Variants in MTMR2 observed in about 807,000 individuals in gnomAD.
MTMR2 encodes the protein myotubularin related protein 2, also known as phosphatidylinositol-3,5-bisphosphate 3-phosphatase MTMR2.
Under a neutral mutation model 86.9 loss-of-function variants are expected in MTMR2, and 55 were observed. The ratio of observed to expected loss-of-function variants is 0.63; its 90% CI spans 0.51 to 0.79. The LOEUF is 0.79. Ranked by LOEUF, MTMR2 falls within the 30% of genes least tolerant of loss-of-function variation. The pLI is 0.00. For missense variants in MTMR2, 659 were observed against 772.3 expected, an observed-to-expected ratio of 0.85 and a Z score of 1.74; for synonymous variants, 241 against 266.8, an observed-to-expected ratio of 0.90 and a Z score of 0.94.
intron 6 of MTMR2, 70 bp downstream of exon 6, chr11:95,858,461 C>A: frequency 9.9e-7 from 1 of 1,007,350 alleles, no homozygotes; most frequent in Non-Finnish European, 1.6e-6. Context: ...TTCTAGACAG[C>A]CTAGACAAGT....
intron 5 of MTMR2, among the ~76,000 whole-genome samples, chr11:95,860,983 C>G (rs1237419349): frequency 1.3e-5 from 2 of 151,806 alleles, no homozygotes; most frequent in Non-Finnish European, 2.9e-5. Context: ...TGGTGAAACC[C>G]CATCTCTACT....
At chr11:95,902,638 CA>C (rs1175121003) in intron 1 of MTMR2, among the ~76,000 whole-genome samples, 4 of 152,160 alleles carry the variant, frequency 2.6e-5, no homozygotes. Context: ...GGTTAGCCAT[CA>C]CCAAAATGAC....
intron 9 of MTMR2, 73 bp from the exon 10 acceptor site, chr11:95,847,972 A>G (rs1863866334): frequency 2.9e-6 from 4 of 1,395,030 alleles, no homozygotes; most frequent in South Asian, 2.4e-5. Flanking sequence ...AAAATATCCA[A>G]TAGCATAAAA....
intron 1 of MTMR2, among the ~76,000 whole-genome samples, chr11:95,903,475 T>G (rs949430633): frequency 2.6e-5 from 4 of 152,054 alleles, no homozygotes; most frequent in African/African-American, 4.8e-5. Flanking sequence ...GTTGAACGAG[T>G]TGACAGAAAA....
chr11:95,867,396 G>A (rs1389521930), intron 2 of MTMR2, among the ~76,000 whole-genome samples: 2 of 152,166 alleles, frequency 1.3e-5, no homozygotes, highest in Non-Finnish European at 2.9e-5. Context: ...GAAGAGGGTA[G>A]TTCTGGCAAA....
At chr11:95,864,848 ATT>A (rs10557890) in intron 3 of MTMR2, among the ~76,000 whole-genome samples, 6,738 of 152,236 alleles carry the variant, frequency 0.044, 533 homozygotes, top group African/African-American at 0.15. Flanking sequence ...AAAATTCAGC[ATT>A]TTTAAAATCC....
intron 1 of MTMR2, chr11:95,912,822 C>T (rs1239812861): frequency 6.6e-6 from 1 of 151,966 alleles, no homozygotes; most frequent in African/African-American, 2.4e-5. Context: ...AATAAAATCA[C>T]TCCTAACTAG....
At chr11:95,845,473 A>T (rs1484839971) in intron 10 of MTMR2, among the ~76,000 whole-genome samples, 1 of 152,188 alleles carries the variant, frequency 6.6e-6, no homozygotes, top group Non-Finnish European at 1.5e-5. Flanking sequence ...GTTTCTAAGA[A>T]TCAAATATTC....
At chr11:95,871,745 G>C (rs1254692) in intron 2 of MTMR2, among the ~76,000 whole-genome samples, 42,880 of 152,006 alleles carry the variant, frequency 0.28, 10,888 homozygotes, top group African/African-American at 0.68. Context: ...TTAATTAGAT[G>C]CAATTTGTCA....
chr11:95,858,435 G>T (rs1380916833), intron 6 of MTMR2, 96 bp downstream of exon 6: 9 of 811,176 alleles, frequency 1.1e-5, no homozygotes. Context: ...TCAAAGCAGG[G>T]ATGTAAATGT....
intron 6 of MTMR2, 111 bp downstream of exon 6, chr11:95,858,420 A>T: frequency 1.3e-6 from 1 of 776,776 alleles, no homozygotes; most frequent in Non-Finnish European, 2.3e-6. Context: ...ACATCTGGTT[A>T]AATGTCAAAG....
intron 7 of MTMR2, among the ~76,000 whole-genome samples, chr11:95,856,391 CTTAATT>C (rs1864215445): frequency 1.3e-5 from 2 of 149,536 alleles, no homozygotes; most frequent in South Asian, 4.2e-4. Context: ...ATCATTAGTC[CTTAATT>C]TTAAGAGATC....
chr11:95,861,095 G>A (rs1864401825), intron 5 of MTMR2, among the ~76,000 whole-genome samples: 1 of 150,814 alleles, frequency 6.6e-6, no homozygotes, highest in Non-Finnish European at 1.5e-5. Flanking sequence ...AGGAGACGGA[G>A]CTTGCAGTGA....
chr11:95,884,620 C>T (rs1198007119), intron 2 of MTMR2, among the ~76,000 whole-genome samples: 2 of 152,240 alleles, frequency 1.3e-5, no homozygotes, highest in East Asian at 3.9e-4. Context: ...AGAGATGAGT[C>T]ATGTACGAAT....
intron 1 of MTMR2, among the ~76,000 whole-genome samples, chr11:95,900,749 G>T (rs985604816): frequency 6.6e-6 from 1 of 152,132 alleles, no homozygotes; most frequent in Non-Finnish European, 1.5e-5. Flanking sequence ...ACACTCACAT[G>T]CATAAACTTA....
At chr11:95,840,817 TG>T (rs1417054833) in intron 12 of MTMR2, among the ~76,000 whole-genome samples, 1 of 152,206 alleles carries the variant, frequency 6.6e-6, no homozygotes. Flanking sequence ...AGCCAGCACT[TG>T]CCCTACTTTA....
intron 13 of MTMR2, among the ~76,000 whole-genome samples, chr11:95,836,879 A>G (rs1487958392): frequency 6.6e-6 from 1 of 152,026 alleles, no homozygotes; most frequent in East Asian, 1.9e-4. Context: ...GACTATTAAC[A>G]GGTTTTCTGA....
At chr11:95,886,547 G>A (rs1312703702) in intron 2 of MTMR2, among the ~76,000 whole-genome samples, 1 of 152,138 alleles carries the variant, frequency 6.6e-6, no homozygotes, top group Non-Finnish European at 1.5e-5. Flanking sequence ...ATCCTGCAGT[G>A]TACTGCACTT....
Position 95,903,414 on chromosome 11 carries a change from G to T in MTMR2, c.81-15153C>A, listed in dbSNP as rs191223349. Reference sequence around the variant, plus strand: ...CTTCATAGTACTTACTTGTCAACACGGAAAGCTGCTTAAAGCCAACTTTCT... The same window carrying T: ...CTTCATAGTACTTACTTGTCAACACTGAAAGCTGCTTAAAGCCAACTTTCT... On this transcript the variant is annotated intron_variant, in intron 1 of 14. Coordinates refer to ENST00000346299, the MANE Select transcript of MTMR2 (RefSeq NM_016156.6). 1.0e-3 allele frequency among the ~76,000 whole-genome samples: 152 copies of T among 152,062 alleles called. 1 individual carries two copies. Among genetic ancestry groups the T allele is most frequent in the African/African-American group, 3.3e-3 (138 of 41,476 alleles).
Sources: gnomAD v4.1 joint callset for allele counts (sites outside exome capture counted in the v4.1 genomes callset) on GRCh38, gnomAD v4.1.1 for gene constraint, MANE v1.5 for transcripts, NCBI Gene and HGNC (gene_info 2026-07-23, HGNC 2026-07-21) for gene names.